Variants in SCML4 observed in about 807,000 individuals in gnomAD.
SCML4 encodes the protein sex comb on midleg-like protein 4.
Under a neutral mutation model 41.1 loss-of-function variants are expected in SCML4, and 34 were observed. The observed-to-expected ratio is 0.83, with a 90% confidence interval of 0.63 to 1.10. SCML4 has a LOEUF of 1.10. Ranked by LOEUF, SCML4 falls within the 50% of genes least tolerant of loss-of-function variation. SCML4 has a pLI of 0.00. For missense variants in SCML4, 522 were observed against 534.1 expected (o/e 0.98, Z 0.22); for synonymous variants, 214 against 220.9 (o/e 0.97, Z 0.28).
At chr6:107,838,423 G>A in the SCML4 span, among the ~76,000 whole-genome samples, 8 of 152,146 alleles carry the variant, frequency 5.3e-5, no homozygotes, top group African/African-American at 1.7e-4. Context: ...TAAAGCACAG[G>A]AACTTGAGCC....
intron 2 of SCML4, 103 bp from the exon 3 acceptor site, chr6:107,749,916 C>T: frequency 8.6e-7 from 1 of 1,163,510 alleles, no homozygotes; most frequent in Non-Finnish European, 1.3e-6. Flanking sequence ...TTCTATCATG[C>T]TTCCACACCT....
Position 107,705,283 on chromosome 6 carries a change from C to T in SCML4, c.1162G>A (p.Val388Ile), listed in dbSNP as rs1441848918. 3 of 1,551,660 alleles carry T rather than the reference C, an allele frequency of 1.9e-6. No individual in the cohort carries two copies. The highest frequency in any genetic ancestry group is 1.7e-6 in the Non-Finnish European group (2 of 1,146,744). Residue 388 changes from valine to isoleucine, a missense_variant, in exon 8 of 8, where the codon GTC (valine) becomes ATC (isoleucine). Coordinates refer to ENST00000369020, the MANE Select transcript of SCML4 (RefSeq NM_198081.5). ...NALLLLKSDM[V>I]MKYLGLKLGP... ...AGCTTCAGGCCCAGGTACTTCATGA[C>T]CATGTCACTCTTCAGCAACAGCAGA... is the stretch of plus-strand genomic sequence containing the variant.
chr6:107,787,123 G>A (rs567643477), intron 1 of SCML4, among the ~76,000 whole-genome samples: 71 of 152,294 alleles, frequency 4.7e-4, no homozygotes, highest in Non-Finnish European at 7.9e-4. Flanking sequence ...GGGGACAGGA[G>A]AGAAATCTGA....
intron 2 of SCML4, among the ~76,000 whole-genome samples, chr6:107,766,952 T>A (rs1780101590): frequency 1.3e-5 from 1 of 78,758 alleles, no homozygotes; most frequent in African/African-American, 1.5e-4. Context: ...TTAAGCTATT[T>A]TTTTTTTTTT....
At chr6:107,785,051 C>T (rs542459377) in intron 1 of SCML4, among the ~76,000 whole-genome samples, 1 of 152,304 alleles carries the variant, frequency 6.6e-6, no homozygotes, top group Non-Finnish European at 1.5e-5. Context: ...GGGCCTCGGC[C>T]CCATACTGTA....
At chr6:107,793,951 T>A (rs975897292) in intron 1 of SCML4, among the ~76,000 whole-genome samples, 1 of 151,740 alleles carries the variant, frequency 6.6e-6, no homozygotes, top group Non-Finnish European at 1.5e-5. Flanking sequence ...AAAACAAAAC[T>A]AAACTAAACT....
intron 5 of SCML4, among the ~76,000 whole-genome samples, chr6:107,733,823 C>T (rs1296359506): frequency 6.6e-6 from 1 of 152,204 alleles, no homozygotes. Context: ...GGCCCATCTC[C>T]CGGACCTACT....
intron 2 of SCML4, among the ~76,000 whole-genome samples, chr6:107,770,441 C>T (rs4946865): frequency 0.96 from 146,607 of 152,282 alleles, 70,800 homozygotes; most frequent in Non-Finnish European, 1. Context: ...TAGAACATTA[C>T]GCCCATAGCT....
Position 107,703,652 on chromosome 6 carries a change from G to A in SCML4, c.*1548C>T, listed in dbSNP as rs1027576089. 1.3e-5 allele frequency among the ~76,000 whole-genome samples: 2 copies of A among 152,200 alleles called. No individual in the cohort carries two copies. Among genetic ancestry groups the A allele is most frequent in the Non-Finnish European group, 2.9e-5 (2 of 68,038 alleles). ...CGGCAGCTGATCAAGCGGTGAGGAG[G>A]TTGAGCCCCCACCCTGCTCCACTTG... On this transcript the variant is annotated 3_prime_UTR_variant, in exon 8 of 8. Transcript: ENST00000369020.
At chr6:107,709,727 C>T (rs909307056) in intron 6 of SCML4, among the ~76,000 whole-genome samples, 8 of 151,866 alleles carry the variant, frequency 5.3e-5, no homozygotes, top group East Asian at 1.9e-4. Flanking sequence ...ATTTATTTTT[C>T]GAGACAGAGT....
intron 1 of SCML4, among the ~76,000 whole-genome samples, chr6:107,815,576 C>G (rs76638037): frequency 0.054 from 8,179 of 152,190 alleles, 743 homozygotes; most frequent in African/African-American, 0.18. Context: ...GTCACCAATC[C>G]CACTCCTCTG....
intron 7 of SCML4, among the ~76,000 whole-genome samples, chr6:107,707,358 T>C (rs1436891488): frequency 9.4e-6 from 1 of 106,666 alleles, no homozygotes; most frequent in African/African-American, 3.4e-5. Flanking sequence ...GGCAGGTAAA[T>C]TATTGATTCT....
chr6:107,703,500 A>G lies in SCML4; in HGVS notation c.*1700T>C, dbSNP rs1487164852. On this transcript the variant is annotated 3_prime_UTR_variant, in exon 8 of 8. Coordinates refer to ENST00000369020, the MANE Select transcript of SCML4 (RefSeq NM_198081.5). ...TGCTTTCTCAAGTACTGCACATGAA[A>G]GTGGGCCTAACGGCATGGCATGGAC... is the stretch of plus-strand genomic sequence containing the variant. Among the ~76,000 whole-genome samples the G allele has an allele frequency of 1.3e-5, 2 of 152,234 alleles. No individual in the cohort carries two copies. Among genetic ancestry groups the G allele is most frequent in the Non-Finnish European group, 2.9e-5 (2 of 68,036 alleles).
chr6:107,705,128 G>C lies in SCML4; in HGVS notation c.*72C>G. 5 of 1,338,640 alleles carry C rather than the reference G, an allele frequency of 3.7e-6. No individual in the cohort carries two copies. Among genetic ancestry groups the C allele is most frequent in the Non-Finnish European group, 5.2e-6 (5 of 953,898 alleles). The allele number at this position is 1,338,640 out of a possible 1,614,324, so 82.9% of individuals were successfully genotyped here. A position where few individuals can be genotyped will look rare whatever the true frequency, so the allele number is the denominator to read the frequency against. ...GGAGAGTCTAGTTTGTGATGTTGGC[G>C]GGATATTGGTAAGGCAGAAGATAAT... is the stretch of plus-strand genomic sequence containing the variant. On this transcript the variant is annotated 3_prime_UTR_variant, in exon 8 of 8. Coordinates refer to ENST00000369020, the MANE Select transcript of SCML4 (RefSeq NM_198081.5).
chr6:107,736,734 T>C (rs371860724), intron 5 of SCML4, among the ~76,000 whole-genome samples: 9 of 152,282 alleles, frequency 5.9e-5, no homozygotes, highest in East Asian at 5.8e-4. Context: ...TGTTGTTGGA[T>C]AGGAAGCAGG....
chr6:107,744,487 T>G (rs963692285), intron 5 of SCML4, among the ~76,000 whole-genome samples: 1 of 152,182 alleles, frequency 6.6e-6, no homozygotes, highest in Non-Finnish European at 1.5e-5. Flanking sequence ...GCACCTTTAA[T>G]TCACATGGGT....
chr6:107,721,357 A>G (rs530455221), intron 5 of SCML4, among the ~76,000 whole-genome samples: 369 of 152,166 alleles, frequency 2.4e-3, no homozygotes, highest in Middle Eastern at 0.017. Context: ...TGAGGTCTGG[A>G]GTTCAAGACC....
Position 107,704,441 on chromosome 6 carries a change from C to T in SCML4, c.*759G>A, listed in dbSNP as rs12216157. On this transcript the variant is annotated 3_prime_UTR_variant, in exon 8 of 8. Transcript: ENST00000369020. ...ACTAGACCCCTCTAGCTGATGGTTTCTTCCCAAGTCGCAATCTGTGGTGCT... is the reference window on the plus strand; with the variant it reads ...ACTAGACCCCTCTAGCTGATGGTTTTTTCCCAAGTCGCAATCTGTGGTGCT... 58,401 of 151,948 alleles carry T rather than the reference C, an allele frequency of 0.38. 14,093 individuals carry two copies. Among genetic ancestry groups the T allele is most frequent in the Middle Eastern group, 0.62 (181 of 294 alleles). 9.4% of individuals were successfully genotyped at this position (151,948 alleles called of 1,614,324 possible).
chr6:107,725,778 A>G (rs1775895922), intron 5 of SCML4, among the ~76,000 whole-genome samples: 1 of 152,228 alleles, frequency 6.6e-6, no homozygotes, highest in African/African-American at 2.4e-5. Flanking sequence ...CTTCATCAAA[A>G]TTAAAAACTT....
Sources: gnomAD v4.1 joint callset for allele counts (sites outside exome capture counted in the v4.1 genomes callset) on GRCh38, gnomAD v4.1.1 for gene constraint, MANE v1.5 for transcripts, NCBI Gene and HGNC (gene_info 2026-07-23, HGNC 2026-07-21) for gene names.